Variants in RND3 observed in about 807,000 individuals in gnomAD.
The protein encoded by RND3 is Rho family GTPase 3, also known as rho-related GTP-binding protein RhoE.
RND3 carries 8 observed loss-of-function variants against 26.5 expected under a neutral mutation model. That is an observed-to-expected ratio of 0.30 (90% CI 0.18 to 0.54). The LOEUF (loss-of-function observed/expected upper bound fraction) is 0.54, where lower values mean the gene tolerates loss of function less well. Ranked by LOEUF, RND3 falls within the 20% of genes least tolerant of loss-of-function variation. RND3 has a pLI of 0.94. For synonymous variants in RND3, 113 were observed against 113.0 expected, an observed-to-expected ratio of 1.00 and a Z score of 0.00; for missense variants, 207 against 302.8, an observed-to-expected ratio of 0.68 and a Z score of 2.35.
intron 3 of RND3, among the ~76,000 whole-genome samples, chr2:150,477,753 C>T (rs780625627): frequency 3.3e-5 from 5 of 152,044 alleles, no homozygotes; most frequent in African/African-American, 7.3e-5. Context: ...TGTTTTTATC[C>T]GGTTAACAGT....
Position 150,469,840 on chromosome 2 carries a change from T to C in RND3, c.*147A>G. The stretch of plus-strand genomic sequence containing the variant: ...CTACATGCCGAACCTAAGGTCAGGA[T>C]TCCAAAAAGATGAGTATCCTCTCAA... On this transcript the variant is annotated 3_prime_UTR_variant, in exon 6 of 6. Transcript: ENST00000263895. 1.2e-6 allele frequency: 1 copy of C among 834,596 alleles called. No individual in the cohort carries two copies. The highest frequency in any genetic ancestry group is 2.7e-5 in the East Asian group (1 of 37,466). 51.7% of individuals were successfully genotyped at this position (834,596 alleles called of 1,614,324 possible). A position where few individuals can be genotyped will look rare whatever the true frequency, so the allele number is the denominator to read the frequency against.
At position 150,469,856 on chromosome 2, in the gene RND3, A is replaced by G; in HGVS notation, c.*131T>C. On this transcript the variant is annotated 3_prime_UTR_variant, in exon 6 of 6. Transcript: ENST00000263895. ...AGGTCAGGATTCCAAAAAGATGAGT[A>G]TCCTCTCAAACGCCTCCTAAGCCTC... is the stretch of plus-strand genomic sequence containing the variant. 1 of 972,264 alleles carries G rather than the reference A, an allele frequency of 1.0e-6. No individual in the cohort carries two copies. Among genetic ancestry groups the G allele is most frequent in the Non-Finnish European group, 1.5e-6 (1 of 665,620 alleles). 60.2% of individuals were successfully genotyped at this position (972,264 alleles called of 1,614,324 possible).
chr2:150,478,139 A>G (rs986268403), intron 3 of RND3, among the ~76,000 whole-genome samples: 9 of 152,136 alleles, frequency 5.9e-5, no homozygotes, highest in African/African-American at 2.2e-4. Context: ...AATTATCAAG[A>G]ACTGTCCCAC....
In RND3 at chr2:150,471,962, A is replaced by G. The variant is rs1352831094; in HGVS notation, c.349-201T>C. The G allele has an allele frequency of 1.1e-5, 6 of 536,048 alleles. No homozygotes were observed. In the Admixed American group the frequency reaches 2.0e-4, roughly 18 times the overall value. The allele number at this position is 536,048 out of a possible 1,614,324, so 33.2% of individuals were successfully genotyped here. ...TTTACTACTTTTTAAGCATTAGAGA[A>G]TAATTATGTATATTATGATTGATTC... On this transcript the variant is annotated intron_variant, in intron 4 of 5. Coordinates refer to ENST00000263895, the MANE Select transcript of RND3 (RefSeq NM_005168.5).
Position 150,470,221 on chromosome 2 carries a change from T to C in RND3, c.501A>G (p.Lys167=). Residue 167 remains lysine, a synonymous_variant, in exon 6 of 6, where the codon AAA becomes AAG. Coordinates refer to ENST00000263895, the MANE Select transcript of RND3 (RefSeq NM_005168.5). ...VSYDQGANMA[K]QIGAATYIEC... is the part of the protein sequence containing the mutation. ...CGATATAAGTAGCTGCTCCAATCTG[T>C]TTGGCCATATTTGCCCCCTGAGAAG... 1 of 1,613,006 alleles carries C rather than the reference T, an allele frequency of 6.2e-7. No individual in the cohort carries two copies. Among genetic ancestry groups the C allele is most frequent in the Non-Finnish European group, 8.5e-7 (1 of 1,179,228 alleles).
intron 4 of RND3, 57 bp downstream of exon 4, chr2:150,474,818 C>G: frequency 2.0e-6 from 2 of 996,692 alleles, no homozygotes; most frequent in East Asian, 2.4e-5. Flanking sequence ...ACAAACCCCA[C>G]GTTTCTATTT....
chr2:150,477,209 C>T (rs923301063), intron 3 of RND3, among the ~76,000 whole-genome samples: 3 of 152,112 alleles, frequency 2.0e-5, no homozygotes, highest in Non-Finnish European at 4.4e-5. Context: ...CACTCTCTCC[C>T]TGTGGAGAGC....
intron 4 of RND3, 86 bp downstream of exon 4, chr2:150,474,789 A>C (rs906743229): frequency 3.6e-5 from 26 of 717,806 alleles, no homozygotes; most frequent in African/African-American, 2.7e-4. Context: ...GGAATTGATT[A>C]GAGTCTTTGA....
chr2:150,483,278 TGTCTTCTAAATG>T (rs966991289), intron 3 of RND3, among the ~76,000 whole-genome samples: 6 of 152,166 alleles, frequency 3.9e-5, no homozygotes, highest in Admixed American at 1.3e-4. Context: ...GAACTGTTTC[TGTCTTCTAAATG>T]GTTGCCCTTC....
At chr2:150,477,560 C>G (rs1686189262) in intron 3 of RND3, among the ~76,000 whole-genome samples, 1 of 152,130 alleles carries the variant, frequency 6.6e-6, no homozygotes, top group African/African-American at 2.4e-5. Context: ...CAAAGGAGAT[C>G]TGGCTTTGTG....
Position 150,486,487 on chromosome 2 carries a change from C to T in RND3, c.238+207G>A, listed in dbSNP as rs564528822. ...GGGGTCACCCTGCGGGCACACAGCG[C>T]TCTCCTCTCCCCACTGCTATCTCCT... On this transcript the variant is annotated intron_variant, in intron 3 of 5. Transcript: ENST00000263895. This position sits in a 1 kb window ranked among gnomAD's most constrained non-coding sequence, Gnocchi z 4.5. 3.3e-5 allele frequency among the ~76,000 whole-genome samples: 5 copies of T among 152,380 alleles called. No homozygotes were observed. Among genetic ancestry groups the T allele is most frequent in the African/African-American group, 9.6e-5 (4 of 41,602 alleles).
chr2:150,484,132 T>C (rs1023745139), intron 3 of RND3, among the ~76,000 whole-genome samples: 1 of 152,238 alleles, frequency 6.6e-6, no homozygotes, highest in African/African-American at 2.4e-5. Context: ...TCAGGGAACC[T>C]CATCTCCTTG....
chr2:150,485,195 G>C (rs74857502), intron 3 of RND3: 2 of 152,302 alleles, frequency 1.3e-5, no homozygotes, highest in Admixed American at 1.3e-4. Context: ...TGACTCCAGG[G>C]GGAAACAAAA....
chr2:150,483,989 G>C (rs1382166132), intron 3 of RND3, among the ~76,000 whole-genome samples: 2 of 151,916 alleles, frequency 1.3e-5, no homozygotes, highest in Non-Finnish European at 2.9e-5. Flanking sequence ...CATAAGTTTT[G>C]GTTTCATTAA....
intron 4 of RND3, among the ~76,000 whole-genome samples, chr2:150,472,815 G>A (rs1686107728): frequency 6.6e-6 from 1 of 152,098 alleles, no homozygotes; most frequent in Non-Finnish European, 1.5e-5. Context: ...CATGTATTAA[G>A]TATAACACTA....
At chr2:150,475,706 C>T (rs996646642) in intron 3 of RND3, among the ~76,000 whole-genome samples, 2 of 152,196 alleles carry the variant, frequency 1.3e-5, no homozygotes, top group Non-Finnish European at 2.9e-5. Context: ...CTTATTTTAA[C>T]TTATCGCCAA....
At chr2:150,478,256 C>T (rs763104485) in intron 3 of RND3, among the ~76,000 whole-genome samples, 1 of 151,236 alleles carries the variant, frequency 6.6e-6, no homozygotes, top group Non-Finnish European at 1.5e-5. Context: ...TCCTGTGTAA[C>T]TTTACAGTGT....
At position 150,471,611 on chromosome 2, in the gene RND3, T is replaced by C; in HGVS notation, c.483+16A>G. ...TCTTTCTAAAATCCAGTTTTGCACA[T>C]GGGCAACATACATACCTGGTCATAG... On this transcript the variant is annotated intron_variant, in intron 5 of 5. Coordinates refer to ENST00000263895, the MANE Select transcript of RND3 (RefSeq NM_005168.5). The C allele has an allele frequency of 6.4e-7, 1 of 1,571,186 alleles. No individual in the cohort carries two copies. The highest frequency in any genetic ancestry group is 8.6e-7 in the Non-Finnish European group (1 of 1,161,786).
chr2:150,475,982 TGA>T (rs1686157616), intron 3 of RND3, among the ~76,000 whole-genome samples: 1 of 152,214 alleles, frequency 6.6e-6, no homozygotes, highest in East Asian at 1.9e-4. Context: ...CCTATAGTTA[TGA>T]AATGATTGAC....
Sources: allele counts gnomAD v4.1 joint callset (sites outside exome capture counted in the v4.1 genomes callset), GRCh38; gene constraint gnomAD v4.1.1; non-coding constraint Gnocchi (gnomAD v3.1); transcripts MANE v1.5; gene names NCBI Gene and HGNC (gene_info 2026-07-23, HGNC 2026-07-21).